ERBB4: variants seen among roughly 807,000 people sequenced by gnomAD.
The protein encoded by ERBB4 is erb-b2 receptor tyrosine kinase 4.
Under a neutral mutation model 158.0 loss-of-function variants are expected in ERBB4, and 42 were observed. The ratio of observed to expected loss-of-function variants is 0.27; its 90% CI spans 0.21 to 0.34. ERBB4 has a LOEUF of 0.34. Ranked by LOEUF, ERBB4 falls within the 10% of genes least tolerant of loss-of-function variation. The probability of loss-of-function intolerance (pLI) is 1.00; values close to 1 mark genes in which losing one functional copy is unlikely to be tolerated. For missense variants in ERBB4, 1,333 were observed against 1,624.1 expected, an observed-to-expected ratio of 0.82 and a Z score of 3.08; for synonymous variants, 583 against 558.7, an observed-to-expected ratio of 1.04 and a Z score of -0.61.
At chr2:212,389,925 C>A (rs1236935976) in intron 1 of ERBB4, among the ~76,000 whole-genome samples, 2 of 151,076 alleles carry the variant, frequency 1.3e-5, no homozygotes, top group African/African-American at 4.9e-5. Context: ...CCAGGTCTGT[C>A]TTATTAAAAA....
At chr2:211,743,537 A>G (rs2074863650) in intron 5 of ERBB4, among the ~76,000 whole-genome samples, 1 of 152,220 alleles carries the variant, frequency 6.6e-6, no homozygotes, top group Admixed American at 6.5e-5. Context: ...AGGGACAGAG[A>G]TAACTTTGTT....
At chr2:212,468,957 G>A (rs531547005) in intron 1 of ERBB4, among the ~76,000 whole-genome samples, 31 of 152,220 alleles carry the variant, frequency 2.0e-4, no homozygotes, top group African/African-American at 7.2e-4. Flanking sequence ...TCTTCTCTCT[G>A]TATCAGTAGG....
chr2:211,692,713 A>G lies in ERBB4; in HGVS notation c.1489+9254T>C, dbSNP rs1364724088. ...CTCTTATAAAGACACGTGTGATTAT[A>G]TTTGTAACCCACTCAAATAACTTTA... On this transcript the variant is annotated intron_variant, in intron 12 of 27. Coordinates refer to ENST00000342788, the MANE Select transcript of ERBB4 (RefSeq NM_005235.3). Among the ~76,000 whole-genome samples the G allele has an allele frequency of 2.0e-5, 3 of 152,098 alleles. No homozygotes were observed. The East Asian group carries it at 5.8e-4, about 29-fold the overall frequency.
intron 1 of ERBB4, among the ~76,000 whole-genome samples, chr2:212,538,100 C>T (rs1018782842): frequency 6.6e-6 from 1 of 152,264 alleles, no homozygotes; most frequent in African/African-American, 2.4e-5. Context: ...CCGACAGGGA[C>T]AGAAGAGTCT....
chr2:211,951,364 C>T (rs839523), intron 2 of ERBB4, among the ~76,000 whole-genome samples: 59,925 of 151,882 alleles, frequency 0.39, 13,370 homozygotes, highest in African/African-American at 0.61. Flanking sequence ...CATATTACCA[C>T]AAGCTGCAAA....
At chr2:212,158,196 A>C (rs1033580876) in intron 1 of ERBB4, among the ~76,000 whole-genome samples, 6 of 152,056 alleles carry the variant, frequency 3.9e-5, no homozygotes, top group African/African-American at 1.4e-4. Flanking sequence ...GCCCAAAGTC[A>C]CATGGATAGC....
intron 1 of ERBB4, among the ~76,000 whole-genome samples, chr2:212,182,437 T>C (rs925417001): frequency 6.6e-6 from 1 of 151,862 alleles, no homozygotes; most frequent in Non-Finnish European, 1.5e-5. Flanking sequence ...AGCATGCCAG[T>C]ACCCACACCT....
At chr2:212,250,531 G>A (rs956183268) in intron 1 of ERBB4, among the ~76,000 whole-genome samples, 3 of 151,944 alleles carry the variant, frequency 2.0e-5, no homozygotes, top group African/African-American at 7.2e-5. Flanking sequence ...TAACTTCATT[G>A]AGTAATGAAA....
intron 2 of ERBB4, among the ~76,000 whole-genome samples, chr2:212,079,903 A>G (rs2078385281): frequency 6.6e-6 from 1 of 152,148 alleles, no homozygotes; most frequent in Admixed American, 6.6e-5. Context: ...CCCAATATAT[A>G]TTAATCTTAG....
chr2:212,108,701 G>T (rs1174656911), intron 2 of ERBB4, among the ~76,000 whole-genome samples: 2 of 131,394 alleles, frequency 1.5e-5, no homozygotes, highest in Non-Finnish European at 3.1e-5. Context: ...TTAGAAATGG[G>T]TCTGCTTTTT....
intron 1 of ERBB4, among the ~76,000 whole-genome samples, chr2:212,334,866 G>A (rs570014177): frequency 6.6e-6 from 1 of 151,916 alleles, no homozygotes; most frequent in East Asian, 1.9e-4. Flanking sequence ...AAATTCCAAA[G>A]GGACATTATA....
chr2:211,954,243 A>G (rs1340428944), intron 2 of ERBB4, among the ~76,000 whole-genome samples: 1 of 152,102 alleles, frequency 6.6e-6, no homozygotes, highest in Non-Finnish European at 1.5e-5. Flanking sequence ...ACAGTAACAC[A>G]CAATTCCTAA....
chr2:212,077,307 C>T (rs544651848), intron 2 of ERBB4, among the ~76,000 whole-genome samples: 11 of 151,786 alleles, frequency 7.2e-5, no homozygotes, highest in African/African-American at 2.2e-4. Context: ...ACTTATACAC[C>T]GTAAGATATA....
At chr2:211,506,268 G>A (rs892167690) in intron 20 of ERBB4, among the ~76,000 whole-genome samples, 1 of 151,992 alleles carries the variant, frequency 6.6e-6, no homozygotes, top group Non-Finnish European at 1.5e-5. Flanking sequence ...TAAAACAAAT[G>A]CTACTAGACC....
At chr2:212,504,970 A>G (rs1362018058) in intron 1 of ERBB4, among the ~76,000 whole-genome samples, 1 of 152,254 alleles carries the variant, frequency 6.6e-6, no homozygotes, top group Non-Finnish European at 1.5e-5. Flanking sequence ...TTTTGTAATT[A>G]TAACTAAAAT....
intron 2 of ERBB4, among the ~76,000 whole-genome samples, chr2:212,110,684 T>C (rs189055940): frequency 4.6e-5 from 7 of 152,352 alleles, no homozygotes; most frequent in African/African-American, 1.4e-4. Context: ...AATTAGCTCC[T>C]GCAATAAAAA....
chr2:212,156,258 TG>T (rs1223542744), intron 1 of ERBB4, among the ~76,000 whole-genome samples: 1 of 151,762 alleles, frequency 6.6e-6, no homozygotes, highest in Non-Finnish European at 1.5e-5. Flanking sequence ...TGTTTAAAAG[TG>T]GGGGAAAAAA....
intron 1 of ERBB4, among the ~76,000 whole-genome samples, chr2:212,419,099 C>T (rs1470105640): frequency 1.4e-5 from 2 of 146,408 alleles, no homozygotes; most frequent in African/African-American, 4.9e-5. Flanking sequence ...CAGTACTCTT[C>T]CTTCATTTTT....
intron 2 of ERBB4, among the ~76,000 whole-genome samples, chr2:212,010,747 G>A (rs1187232222): frequency 2.0e-5 from 3 of 152,060 alleles, no homozygotes; most frequent in Non-Finnish European, 4.4e-5. Context: ...GTAAGCCTGA[G>A]GGTACTGCAA....
Sources: gnomAD v4.1 joint callset for allele counts (sites outside exome capture counted in the v4.1 genomes callset) on GRCh38, gnomAD v4.1.1 for gene constraint, MANE v1.5 for transcripts, NCBI Gene and HGNC (gene_info 2026-07-23, HGNC 2026-07-21) for gene names.